The following TENM3 variants were observed in gnomAD, a reference collection of about 807,000 sequenced individuals.
TENM3 encodes teneurin-3.
TENM3 carries 63 observed loss-of-function variants against 255.1 expected under a neutral mutation model. The ratio of observed to expected loss-of-function variants is 0.25; its 90% CI spans 0.20 to 0.30. The LOEUF is 0.30. TENM3 is among the 10% of genes least tolerant of loss of function. The pLI is 1.00. For missense variants in TENM3, 2,929 were observed against 3,461.1 expected (o/e 0.85, Z 3.86); for synonymous variants, 1,306 against 1,322.3 (o/e 0.99, Z 0.27).
chr4:182,471,994 A>G (rs538000324), intron 3 of TENM3, among the ~76,000 whole-genome samples: 92 of 152,228 alleles, frequency 6.0e-4, no homozygotes, highest in African/African-American at 2.1e-3. Context: ...AGAGTAGTTA[A>G]TTTTAATTAC....
the TENM3 span, among the ~76,000 whole-genome samples, chr4:181,516,707 G>C: frequency 4.6e-5 from 7 of 151,934 alleles, no homozygotes; most frequent in Admixed American, 2.0e-4. Flanking sequence ...ACTCGGGAGG[G>C]GGAGGTTGCA....
chr4:181,840,887 C>T, the TENM3 span, among the ~76,000 whole-genome samples: 752 of 152,256 alleles, frequency 4.9e-3, 5 homozygotes, highest in African/African-American at 0.016. Context: ...CTGGTTTCCA[C>T]TTGCACTCAG....
At chr4:182,454,943 T>C (rs1400081293) in intron 3 of TENM3, among the ~76,000 whole-genome samples, 1 of 152,254 alleles carries the variant, frequency 6.6e-6, no homozygotes, top group Non-Finnish European at 1.5e-5. Context: ...TAGCGTATGC[T>C]TCACTTTATA....
intron 3 of TENM3, among the ~76,000 whole-genome samples, chr4:182,421,623 T>C (rs1770838237): frequency 6.6e-6 from 1 of 152,120 alleles, no homozygotes; most frequent in African/African-American, 2.4e-5. Flanking sequence ...GAAAGCAAAA[T>C]GTGACAGGGA....
At chr4:182,203,043 CT>C (rs1467829060) in intron 1 of TENM3, among the ~76,000 whole-genome samples, 1 of 151,988 alleles carries the variant, frequency 6.6e-6, no homozygotes, top group Non-Finnish European at 1.5e-5. Context: ...TGGTGAAACC[CT>C]GTCTCTACAA....
At chr4:182,715,191 AGTTTTGACATAG>A (rs1323151406) in intron 13 of TENM3, among the ~76,000 whole-genome samples, 2 of 152,162 alleles carry the variant, frequency 1.3e-5, no homozygotes, top group Non-Finnish European at 2.9e-5. Context: ...CCAGCTGTTC[AGTTTTGACATAG>A]CTTTAGCGCT....
chr4:181,524,602 C>T, the TENM3 span, among the ~76,000 whole-genome samples: 2 of 152,176 alleles, frequency 1.3e-5, no homozygotes, highest in Non-Finnish European at 2.9e-5. Context: ...TATGGTTCCC[C>T]AGCACATACC....
chr4:182,582,498 T>C (rs560635715), intron 3 of TENM3, among the ~76,000 whole-genome samples: 2 of 151,600 alleles, frequency 1.3e-5, no homozygotes, highest in Non-Finnish European at 3.0e-5. Flanking sequence ...AAATTTCTGT[T>C]GTGTATTCCA....
At chr4:182,399,749 G>C (rs765078168) in intron 3 of TENM3, among the ~76,000 whole-genome samples, 1 of 152,280 alleles carries the variant, frequency 6.6e-6, no homozygotes, top group Non-Finnish European at 1.5e-5. Flanking sequence ...ATCATTGCTC[G>C]CCTGCCAGTT....
the TENM3 span, among the ~76,000 whole-genome samples, chr4:181,605,568 A>AAAGAAAGAAAGAAAGAGAGAGAGAG: frequency 1.8e-3 from 78 of 42,198 alleles, 8 homozygotes; most frequent in African/African-American, 6.5e-3. Context: ...GAAAGAAAGA[A>AAAGAAAGAAAGAAAGAGAGAGAGAG]AGAGAGAGAA....
chr4:181,864,608 C>CA, the TENM3 span, among the ~76,000 whole-genome samples: 2 of 152,080 alleles, frequency 1.3e-5, no homozygotes, highest in African/African-American at 4.8e-5. Flanking sequence ...GAGCTGACAG[C>CA]AAAGTAGTCA....
chr4:181,610,767 C>T, the TENM3 span, among the ~76,000 whole-genome samples: 4 of 151,974 alleles, frequency 2.6e-5, no homozygotes, highest in Non-Finnish European at 4.4e-5. Flanking sequence ...CTCAGATGAG[C>T]GGACATCAAG....
the TENM3 span, among the ~76,000 whole-genome samples, chr4:181,902,116 TACACACACACAC>T: frequency 6.8e-6 from 1 of 147,784 alleles, no homozygotes; most frequent in Non-Finnish European, 1.5e-5. Flanking sequence ...CATGTGAGCA[TACACACACACAC>T]ACACACACAC....
At chr4:182,026,385 C>T in the TENM3 span, among the ~76,000 whole-genome samples, 1 of 152,158 alleles carries the variant, frequency 6.6e-6, no homozygotes, top group Non-Finnish European at 1.5e-5. Flanking sequence ...GAGTAGTTTA[C>T]TAATATATTC....
At chr4:182,239,580 A>G (rs111787207), upstream of TENM3, among the ~76,000 whole-genome samples, 45 of 152,300 alleles carry the variant, frequency 3.0e-4, no homozygotes, top group African/African-American at 9.9e-4. Flanking sequence ...TGGATTCTTC[A>G]AGAGTTCAGG....
At chr4:182,252,985 A>G (rs1758124555) in intron 1 of TENM3, among the ~76,000 whole-genome samples, 2 of 152,198 alleles carry the variant, frequency 1.3e-5, no homozygotes, top group African/African-American at 2.4e-5. Flanking sequence ...GGCCTTGGCT[A>G]TATTTTCCCA....
the TENM3 span, among the ~76,000 whole-genome samples, chr4:181,544,408 TAAAAAAAAAA>T: frequency 5.1e-3 from 350 of 68,684 alleles, 4 homozygotes; most frequent in African/African-American, 0.018. Context: ...CCTTCAGGAT[TAAAAAAAAAA>T]AAAAAAAAAA....
chr4:182,266,436 G>T (rs569293423), intron 1 of TENM3, among the ~76,000 whole-genome samples: 28 of 152,230 alleles, frequency 1.8e-4, no homozygotes, highest in African/African-American at 6.7e-4. Flanking sequence ...AGTTAAAAGG[G>T]TATTATTCAG....
chr4:181,696,286 C>A, the TENM3 span, among the ~76,000 whole-genome samples: 1 of 152,120 alleles, frequency 6.6e-6, no homozygotes, highest in African/African-American at 2.4e-5. Flanking sequence ...AGAGAGAAGG[C>A]AACACGGCTT....
Sources: allele counts gnomAD v4.1 joint callset (sites outside exome capture counted in the v4.1 genomes callset), GRCh38; gene constraint gnomAD v4.1.1; transcripts MANE v1.5; gene names NCBI Gene and HGNC (gene_info 2026-07-23, HGNC 2026-07-21).